The following CLN6 variants were observed in gnomAD, a reference collection of about 807,000 sequenced individuals.
CLN6 encodes CLN6 transmembrane ER protein.
In CLN6, 22 loss-of-function variants were observed where a neutral mutation model predicts 33.3. The ratio of observed to expected loss-of-function variants is 0.66; its 90% CI spans 0.47 to 0.94. The LOEUF (loss-of-function observed/expected upper bound fraction) is 0.94. Among genes scored for constraint, CLN6 ranks in the 40% least tolerant of loss-of-function variants. The probability of loss-of-function intolerance (pLI) is 0.00; values close to 1 mark genes in which losing one functional copy is unlikely to be tolerated. For synonymous variants in CLN6, 201 were observed against 174.6 expected (o/e 1.15, Z -1.19); for missense variants, 387 against 417.1 (o/e 0.93, Z 0.63).
In CLN6 at chr15:68,236,542, T is replaced by C. The variant is rs911553831; in HGVS notation, c.180-17892A>G. On this transcript the variant is annotated intron_variant, in intron 1 of 6. Coordinates refer to the CLN6 transcript ENST00000538696. This position sits in a 1 kb window ranked among gnomAD's most constrained non-coding sequence, Gnocchi z 4.5. ...GGCCATTTATATGAAATGTCCAGAATAGGCAAATCTACAGAGACAGAAAGT... is the reference window on the plus strand; with the variant it reads ...GGCCATTTATATGAAATGTCCAGAACAGGCAAATCTACAGAGACAGAAAGT... Among the ~76,000 whole-genome samples the C allele has an allele frequency of 3.3e-5, 5 of 152,210 alleles. No homozygotes were observed. Among genetic ancestry groups the C allele is most frequent in the African/African-American group, 4.8e-5 (2 of 41,470 alleles).
In CLN6 at chr15:68,220,357, G is replaced by A. The variant is rs901135695; in HGVS notation, c.84-1707C>T. On this transcript the variant is annotated intron_variant, in intron 1 of 6. Coordinates refer to ENST00000249806, the MANE Select transcript of CLN6 (RefSeq NM_017882.3). The surrounding 1 kb of genome is among the most constrained non-coding windows in gnomAD (Gnocchi z 4.2). ...ATTAGGTGCTTAGCCAAAGCCACCC[G>A]TGTAGTAAGGAGCTGTGGCAACAAT... Among the ~76,000 whole-genome samples, 10 of 152,224 alleles carry A rather than the reference G, an allele frequency of 6.6e-5. No individual in the cohort carries two copies. The highest frequency in any genetic ancestry group is 5.9e-4 in the Admixed American group (9 of 15,290).
chr15:68,229,271 C>T (rs12910933), intron 1 of CLN6, among the ~76,000 whole-genome samples: 38 of 152,230 alleles, frequency 2.5e-4, no homozygotes, highest in Non-Finnish European at 8.8e-5. Flanking sequence ...CGAGCAACGG[C>T]GAAGCGGGGA....
At position 68,227,959 on chromosome 15, in the gene CLN6, C is replaced by T. The variant is rs913372894; in HGVS notation, c.83+1543G>A. Among the ~76,000 whole-genome samples the T allele has an allele frequency of 1.3e-5, 2 of 152,164 alleles. No individual in the cohort carries two copies. The highest frequency in any genetic ancestry group is 2.9e-5 in the Non-Finnish European group (2 of 68,026). On this transcript the variant is annotated intron_variant, in intron 1 of 6. Coordinates refer to ENST00000249806, the MANE Select transcript of CLN6 (RefSeq NM_017882.3). This position sits in a 1 kb window ranked among gnomAD's most constrained non-coding sequence, Gnocchi z 4.1. ...ACATCCCGCAGGCAGAAGAGGCTGC[C>T]TGGAAGAGGGGAGCTGGTAAATGGG... is the stretch of plus-strand genomic sequence containing the variant.
Position 68,242,250 on chromosome 15 carries a change from C to T in CLN6, c.179+14440G>A, listed in dbSNP as rs1016048462. 6.6e-6 allele frequency among the ~76,000 whole-genome samples: 1 copy of T among 152,008 alleles called. No individual in the cohort carries two copies. Among genetic ancestry groups the T allele is most frequent in the Non-Finnish European group, 1.5e-5 (1 of 67,986 alleles). ...AACAAAGATTGAAATTTTTAAAAAT[C>T]AAATCTTGGAACTGAGAAATACATT... On this transcript the variant is annotated intron_variant, in intron 1 of 6. Coordinates refer to the CLN6 transcript ENST00000538696. This position sits in a 1 kb window ranked among gnomAD's most constrained non-coding sequence, Gnocchi z 5.0.
chr15:68,217,412 T>C (rs986729558), intron 2 of CLN6, among the ~76,000 whole-genome samples: 2 of 152,166 alleles, frequency 1.3e-5, no homozygotes, highest in South Asian at 2.1e-4. Flanking sequence ...AAATCTTTTA[T>C]AGAGACAGGG....
At chr15:68,216,271 T>A (rs1016220085) in intron 2 of CLN6, among the ~76,000 whole-genome samples, 4 of 152,166 alleles carry the variant, frequency 2.6e-5, no homozygotes, top group African/African-American at 9.7e-5. Flanking sequence ...AGTATGTGGT[T>A]CCTTCATGCT....
At chr15:68,214,482 A>T in intron 2 of CLN6, 94 bp from the exon 3 acceptor site, 1 of 781,520 alleles carries the variant, frequency 1.3e-6, no homozygotes, top group Non-Finnish European at 2.2e-6. Context: ...GCCCACCCCA[A>T]CTCCTTTCAC....
Position 68,207,485 on chromosome 15 carries a change from G to A in CLN6, c.*655C>T, listed in dbSNP as rs571329883. ...GCCTGAGCCTGGGCAGGGGTCTGGA[G>A]TGCACATAGCCCCCAGGCAGGGAGA... On this transcript the variant is annotated 3_prime_UTR_variant, in exon 7 of 7. Coordinates refer to ENST00000249806, the MANE Select transcript of CLN6 (RefSeq NM_017882.3). The A allele has an allele frequency of 2.8e-3, 454 of 162,404 alleles. 3 individuals carry two copies. The highest frequency in any genetic ancestry group is 0.013 in the Middle Eastern group (4 of 308). The allele number at this position is 162,404 out of a possible 1,614,324, so 10.1% of individuals were successfully genotyped here. A position where few individuals can be genotyped will look rare whatever the true frequency, so the allele number is the denominator to read the frequency against.
chr15:68,234,684 C>T (rs1892201609), upstream of CLN6, among the ~76,000 whole-genome samples: 1 of 152,148 alleles, frequency 6.6e-6, no homozygotes, highest in Non-Finnish European at 1.5e-5. The surrounding 1 kb of genome is among the most constrained non-coding windows in gnomAD (Gnocchi z 4.1). Flanking sequence ...CACTCTTTTC[C>T]TTATCATTTC....
intron 1 of CLN6, among the ~76,000 whole-genome samples, chr15:68,235,635 G>A (rs1174943384): frequency 8.2e-6 from 1 of 121,758 alleles, no homozygotes; most frequent in Non-Finnish European, 1.6e-5. Flanking sequence ...TATATATATC[G>A]ATTAATCGAT....
chr15:68,241,501 A>T lies in CLN6; in HGVS notation c.179+15189T>A, dbSNP rs1404885790. On this transcript the variant is annotated intron_variant, in intron 1 of 6. Transcript: ENST00000538696. The surrounding 1 kb of genome is among the most constrained non-coding windows in gnomAD (Gnocchi z 4.2). ...AAAAGTGAGATTGAGGTGGACGACT[A>T]GCTTTTCCACCATTGTGGGTTTCCT... 1.3e-5 allele frequency among the ~76,000 whole-genome samples: 2 copies of T among 152,192 alleles called. No homozygotes were observed. Among genetic ancestry groups the T allele is most frequent in the Admixed American group, 6.6e-5 (1 of 15,250 alleles).
chr15:68,222,787 ATTC>A lies in CLN6; in HGVS notation c.84-4140_84-4138del, dbSNP rs2093241592. Among the ~76,000 whole-genome samples the A allele has an allele frequency of 1.3e-5, 2 of 152,232 alleles. 1 individual carries two copies. Among genetic ancestry groups the A allele is most frequent in the South Asian group, 4.1e-4 (2 of 4,832 alleles). On this transcript the variant is annotated intron_variant, in intron 1 of 6. Transcript: ENST00000249806. ...TCCATTTTGTTCTGTACTAAGAAAA[ATTC>A]TTCTGCCTTGGGATGCTGTTAGTCT...
At chr15:68,250,454 G>A (rs1301941650) in intron 1 of CLN6, among the ~76,000 whole-genome samples, 1 of 151,676 alleles carries the variant, frequency 6.6e-6, no homozygotes, top group East Asian at 1.9e-4. Context: ...GTGAAACCCC[G>A]TCTCTACTAA....
At chr15:68,248,800 C>T (rs929656007) in intron 1 of CLN6, among the ~76,000 whole-genome samples, 5 of 151,878 alleles carry the variant, frequency 3.3e-5, no homozygotes, top group Non-Finnish European at 5.9e-5. Flanking sequence ...AATAGACAAA[C>T]GGGATTACAT....
In CLN6 at chr15:68,209,511, A is replaced by G; in HGVS notation, c.665+126T>C. 3.7e-6 allele frequency: 5 copies of G among 1,333,824 alleles called. No homozygotes were observed. Among genetic ancestry groups the G allele is most frequent in the Non-Finnish European group, 5.3e-6 (5 of 943,736 alleles). The allele number at this position is 1,333,824 out of a possible 1,614,324, so 82.6% of individuals were successfully genotyped here. On this transcript the variant is annotated intron_variant, in intron 6 of 6. Coordinates refer to ENST00000249806, the MANE Select transcript of CLN6 (RefSeq NM_017882.3). This position sits in a 1 kb window ranked among gnomAD's most constrained non-coding sequence, Gnocchi z 4.9. ...CACAGTCCCCACTAGACACAAGAAG[A>G]AGCACGGGCCCAAAGAGGGCCAGTC...
In CLN6 at chr15:68,209,062, C is replaced by T. The variant is rs558852367; in HGVS notation, c.665+575G>A. ...CTGTCTCCAGGGCAGAAGTGACAGA[C>T]GAGGGCTAGGAGACTGGCTGAGGCC... On this transcript the variant is annotated intron_variant, in intron 6 of 6. Transcript: ENST00000249806. This position sits in a 1 kb window ranked among gnomAD's most constrained non-coding sequence, Gnocchi z 4.9. Among the ~76,000 whole-genome samples the T allele has an allele frequency of 5.3e-5, 8 of 152,276 alleles. No homozygotes were observed. In the East Asian group the frequency reaches 5.8e-4, roughly 11 times the overall value.
rs986921397 is a variant in CLN6 at position 68,256,002 on chromosome 15, T to A, written c.179+688A>T. 4.6e-5 allele frequency among the ~76,000 whole-genome samples: 7 copies of A among 151,782 alleles called. No homozygotes were observed. The highest frequency in any genetic ancestry group is 1.5e-4 in the African/African-American group (6 of 41,302). On this transcript the variant is annotated intron_variant, in intron 1 of 6. Transcript: ENST00000538696. The surrounding 1 kb of genome is among the most constrained non-coding windows in gnomAD (Gnocchi z 4.1). ...CAGGGTCCCACTATGTTGCCCTGTC[T>A]GTTGTCCAACTCCTCGCCCGAAGTG...
At position 68,211,882 on chromosome 15, in the gene CLN6, T is replaced by C; in HGVS notation, c.298-19A>G. 6.2e-7 allele frequency: 1 copy of C among 1,611,862 alleles called. No homozygotes were observed. Among genetic ancestry groups the C allele is most frequent in the South Asian group, 1.1e-5 (1 of 91,024 alleles). ...CGATGAGCTGGGGTTCAGAGTGGGG[T>C]TGGCAGCATGACCCCACCTCTGTCA... On this transcript the variant is annotated intron_variant, in intron 3 of 6. Transcript: ENST00000249806. This position sits in a 1 kb window ranked among gnomAD's most constrained non-coding sequence, Gnocchi z 5.9.
rs1892340099 is a variant in CLN6, at chr15:68,247,638, A to G, written c.179+9052T>C. On this transcript the variant is annotated intron_variant, in intron 1 of 6. Coordinates refer to the CLN6 transcript ENST00000538696. The surrounding 1 kb of genome is among the most constrained non-coding windows in gnomAD (Gnocchi z 4.2). The stretch of plus-strand genomic sequence containing the variant: ...CAGATTTAATGCAATTGCTATCAAA[A>G]TACCAATGATGTTCTCAACAGAAAT... Among the ~76,000 whole-genome samples the G allele has an allele frequency of 6.6e-6, 1 of 152,194 alleles. No homozygotes were observed. Among genetic ancestry groups the G allele is most frequent in the Admixed American group, 6.5e-5 (1 of 15,284 alleles).
Sources: gnomAD v4.1 joint callset for allele counts (sites outside exome capture counted in the v4.1 genomes callset) on GRCh38, gnomAD v4.1.1 for gene constraint, Gnocchi (gnomAD v3.1) non-coding constraint, MANE v1.5 for transcripts, NCBI Gene and HGNC (gene_info 2026-07-23, HGNC 2026-07-21) for gene names.